CDK14: variants seen among roughly 807,000 people sequenced by gnomAD.
The protein encoded by CDK14 is cyclin dependent kinase 14, also known as cyclin-dependent kinase 14.
CDK14 carries 34 observed loss-of-function variants against 60.7 expected under a neutral mutation model. The ratio of observed to expected loss-of-function variants is 0.56; its 90% CI spans 0.43 to 0.75. The LOEUF (loss-of-function observed/expected upper bound fraction) is 0.75, where lower values mean the gene tolerates loss of function less well. CDK14 is among the 30% of genes least tolerant of loss of function. The pLI, the probability that CDK14 is intolerant of heterozygous loss-of-function variation, is 0.00. For missense variants in CDK14, 482 were observed against 564.1 expected (o/e 0.85, Z 1.47); for synonymous variants, 197 against 203.7 (o/e 0.97, Z 0.28).
chr7:91,203,663 A>T (rs1310285281), intron 14 of CDK14, among the ~76,000 whole-genome samples: 3 of 152,198 alleles, frequency 2.0e-5, no homozygotes, highest in Non-Finnish European at 4.4e-5. Context: ...GCTCCCATTT[A>T]GCTGGAGTGG....
chr7:90,677,196 T>C (rs748533148), intron 2 of CDK14, among the ~76,000 whole-genome samples: 2 of 152,194 alleles, frequency 1.3e-5, no homozygotes, highest in African/African-American at 2.4e-5. Context: ...CAGAGTATTA[T>C]ACTATATAGA....
intron 14 of CDK14, among the ~76,000 whole-genome samples, chr7:91,190,686 C>T (rs770682951): frequency 4.6e-5 from 7 of 152,022 alleles, no homozygotes; most frequent in Non-Finnish European, 8.8e-5. Flanking sequence ...GACAGGGTTT[C>T]GCCATGCCGG....
At chr7:90,660,665 A>G (rs1800849831) in intron 2 of CDK14, among the ~76,000 whole-genome samples, 1 of 152,250 alleles carries the variant, frequency 6.6e-6, no homozygotes, top group Admixed American at 6.5e-5. Flanking sequence ...AAATAGGTAC[A>G]TATTTTCTGT....
chr7:90,621,553 A>G (rs1198435049), intron 2 of CDK14, among the ~76,000 whole-genome samples: 1 of 152,202 alleles, frequency 6.6e-6, no homozygotes, highest in Non-Finnish European at 1.5e-5. Context: ...GCTTGAGAGA[A>G]TAAACAGATA....
At chr7:90,642,155 A>G (rs111740164) in intron 2 of CDK14, among the ~76,000 whole-genome samples, 7 of 152,218 alleles carry the variant, frequency 4.6e-5, no homozygotes, top group African/African-American at 1.7e-4. Context: ...AAATGAGTGA[A>G]TTGTATAGTA....
intron 10 of CDK14, among the ~76,000 whole-genome samples, chr7:90,985,764 A>T (rs1795357368): frequency 6.6e-6 from 1 of 152,188 alleles, no homozygotes; most frequent in Non-Finnish European, 1.5e-5. Context: ...GTGTGCTAAC[A>T]ACAAATGGAC....
chr7:90,610,951 A>C (rs569548332), intron 2 of CDK14, among the ~76,000 whole-genome samples: 22 of 152,270 alleles, frequency 1.4e-4, no homozygotes, highest in African/African-American at 4.8e-4. Context: ...TAATACCGTT[A>C]GGTGTCCACT....
chr7:90,820,554 G>A (rs1328026672), intron 5 of CDK14, among the ~76,000 whole-genome samples: 4 of 151,988 alleles, frequency 2.6e-5, no homozygotes, highest in South Asian at 2.1e-4. Context: ...TTCACCTTCC[G>A]CCATGACTGT....
chr7:91,115,551 C>T (rs1235640332), intron 13 of CDK14, among the ~76,000 whole-genome samples: 3 of 152,200 alleles, frequency 2.0e-5, no homozygotes, highest in African/African-American at 4.8e-5. Flanking sequence ...ATAGCACTCT[C>T]ATTCTTAAAG....
intron 5 of CDK14, among the ~76,000 whole-genome samples, chr7:90,795,879 T>C (rs1788407020): frequency 6.6e-6 from 1 of 152,150 alleles, no homozygotes; most frequent in Non-Finnish European, 1.5e-5. Context: ...GTAGTGGTAT[T>C]GAAGGACCAG....
chr7:90,648,077 T>A (rs1358009149), intron 2 of CDK14, among the ~76,000 whole-genome samples: 1 of 152,158 alleles, frequency 6.6e-6, no homozygotes, highest in African/African-American at 2.4e-5. Context: ...TAAACAACAA[T>A]AAACATCTGT....
chr7:90,741,980 A>T (rs938176184), intron 3 of CDK14, among the ~76,000 whole-genome samples: 6 of 152,078 alleles, frequency 3.9e-5, no homozygotes, highest in African/African-American at 1.4e-4. Flanking sequence ...CCATTTTTGA[A>T]TTCATGAAAT....
chr7:91,150,127 A>C (rs1800789177), intron 14 of CDK14, among the ~76,000 whole-genome samples: 1 of 152,156 alleles, frequency 6.6e-6, no homozygotes, highest in Non-Finnish European at 1.5e-5. Flanking sequence ...CAAGATGCTG[A>C]CTGGCCTGGC....
intron 3 of CDK14, among the ~76,000 whole-genome samples, chr7:90,742,498 A>G (rs1803386706): frequency 6.6e-6 from 1 of 151,920 alleles, no homozygotes; most frequent in Non-Finnish European, 1.5e-5. Flanking sequence ...ATCTATTTTA[A>G]TGGTCTTTAC....
chr7:91,049,457 A>T (rs373698939), intron 11 of CDK14, among the ~76,000 whole-genome samples: 6 of 152,298 alleles, frequency 3.9e-5, no homozygotes, highest in African/African-American at 1.4e-4. Flanking sequence ...CTTGATCTCA[A>T]GTGATTCTCC....
At chr7:90,811,426 G>A (rs1256126750) in intron 5 of CDK14, among the ~76,000 whole-genome samples, 2 of 152,136 alleles carry the variant, frequency 1.3e-5, no homozygotes, top group African/African-American at 4.8e-5. Context: ...GCAGAAAGCT[G>A]AAACTGGATC....
At chr7:91,090,531 G>A (rs1016426014) in intron 12 of CDK14, among the ~76,000 whole-genome samples, 2 of 152,186 alleles carry the variant, frequency 1.3e-5, no homozygotes, top group Non-Finnish European at 1.5e-5. Flanking sequence ...ACCAAATTGC[G>A]TGGTGCAAGA....
intron 14 of CDK14, among the ~76,000 whole-genome samples, chr7:91,174,025 T>C (rs803180): frequency 0.96 from 146,405 of 152,206 alleles, 70,444 homozygotes; most frequent in East Asian, 1. Flanking sequence ...AACAAAAAGA[T>C]AGCAGTAACC....
intron 11 of CDK14, among the ~76,000 whole-genome samples, chr7:91,060,068 C>G (rs1006009904): frequency 1.3e-5 from 2 of 152,114 alleles, no homozygotes; most frequent in African/African-American, 2.4e-5. Context: ...TAAGGACTTG[C>G]TTTATGAATC....
Sources: gnomAD v4.1 joint callset for allele counts (sites outside exome capture counted in the v4.1 genomes callset) on GRCh38, gnomAD v4.1.1 for gene constraint, MANE v1.5 for transcripts, NCBI Gene and HGNC (gene_info 2026-07-23, HGNC 2026-07-21) for gene names.